PCDHGB3: variants seen among roughly 807,000 people sequenced by gnomAD.
The protein encoded by PCDHGB3 is protocadherin gamma subfamily B, 3, also known as protocadherin gamma-B3.
PCDHGB3 carries 40 observed loss-of-function variants against 59.2 expected under a neutral mutation model. That is an observed-to-expected ratio of 0.68 (90% CI 0.52 to 0.88). The LOEUF is 0.88. PCDHGB3 is among the 40% of genes least tolerant of loss of function. The pLI is 0.00. For missense variants in PCDHGB3, 1,309 were observed against 1,187.9 expected (o/e 1.10, Z -1.50); for synonymous variants, 581 against 503.6 (o/e 1.15, Z -2.06).
At position 141,408,301 on chromosome 5, in the gene PCDHGB3, C is replaced by T. The variant is rs1472435921; in HGVS notation, c.2415+35492C>T. 3.1e-6 allele frequency: 5 copies of T among 1,613,756 alleles called. No individual in the cohort carries two copies. In the Admixed American group the frequency reaches 8.3e-5, roughly 27 times the overall value. ...TCTACCCCACCCTGAGTGAGCCGAT[C>T]CGCTACTCGATTCCGGAGGAGCTGG... On this transcript the variant is annotated intron_variant, in intron 1 of 3. Transcript: ENST00000576222.
In PCDHGB3 at chr5:141,489,353, A is replaced by G. The variant is rs1423278514; in HGVS notation, c.2416-5454A>G. 3.7e-6 allele frequency: 6 copies of G among 1,612,316 alleles called. No homozygotes were observed. In the African/African-American group the frequency reaches 6.7e-5, roughly 18 times the overall value. ...CAGCTTCGTTACTCAGTGGTGGAGG[A>G]GTCTGAGCCGGGGACGCTGGTGGGG... On this transcript the variant is annotated intron_variant, in intron 1 of 3. Transcript: ENST00000576222. This position sits in a 1 kb window ranked among gnomAD's most constrained non-coding sequence, Gnocchi z 4.5.
In PCDHGB3 at chr5:141,477,718, A is replaced by G; in HGVS notation, c.2416-17089A>G. 6.2e-7 allele frequency: 1 copy of G among 1,613,928 alleles called. No homozygotes were observed. The highest frequency in any genetic ancestry group is 8.5e-7 in the Non-Finnish European group (1 of 1,180,034). On this transcript the variant is annotated intron_variant, in intron 1 of 3. Coordinates refer to ENST00000576222, the MANE Select transcript of PCDHGB3 (RefSeq NM_018924.5). The surrounding 1 kb of genome is among the most constrained non-coding windows in gnomAD (Gnocchi z 4.9). ...ACTATGAGGATCGGCGGGAATTTGA[A>G]TTAACAGCTCATATCAGCGATGGGG...
chr5:141,383,272 G>T (rs369691483), intron 1 of PCDHGB3: 13 of 1,613,802 alleles, frequency 8.1e-6, no homozygotes, highest in African/African-American at 1.3e-5. Flanking sequence ...GGAAATAATA[G>T]ATATTAATGA....
chr5:141,510,919 C>T (rs748157000), intron 3 of PCDHGB3, 28 bp from the exon 4 acceptor site: 1 of 1,613,894 alleles, frequency 6.2e-7, no homozygotes, highest in East Asian at 2.2e-5. Context: ...AAGTTTAGCT[C>T]CCACCTGATC....
intron 1 of PCDHGB3, among the ~76,000 whole-genome samples, chr5:141,464,833 G>A (rs1015373577): frequency 6.6e-6 from 1 of 151,990 alleles, no homozygotes; most frequent in African/African-American, 2.4e-5. Context: ...CGCACTCCTG[G>A]GCTCAAGCAA....
chr5:141,505,558 C>A (rs945428797), intron 3 of PCDHGB3, 77 bp downstream of exon 3: 1 of 1,605,016 alleles, frequency 6.2e-7, no homozygotes, highest in African/African-American at 1.3e-5. Context: ...ACCATGCCCA[C>A]GGACTGGATG....
At chr5:141,460,985 ATATATATATATGTG>A (rs2099005673) in intron 1 of PCDHGB3, among the ~76,000 whole-genome samples, 1 of 91,766 alleles carries the variant, frequency 1.1e-5, no homozygotes, top group Non-Finnish European at 2.2e-5. Flanking sequence ...GTGTGTGTGT[ATATATATATATGTG>A]TATATATATA....
Position 141,419,433 on chromosome 5 carries a change from T to C in PCDHGB3, c.2415+46624T>C, listed in dbSNP as rs1333004780. 11 of 1,613,246 alleles carry C rather than the reference T, an allele frequency of 6.8e-6. No individual in the cohort carries two copies. The highest frequency in any genetic ancestry group is 9.3e-6 in the Non-Finnish European group (11 of 1,179,828). On this transcript the variant is annotated intron_variant, in intron 1 of 3. Coordinates refer to ENST00000576222, the MANE Select transcript of PCDHGB3 (RefSeq NM_018924.5). ...CAGCGCGCCTTCGACCACGAGCAGC[T>C]GCGCACCTTCGAGCTCACGCTGCAG... is the stretch of plus-strand genomic sequence containing the variant.
intron 1 of PCDHGB3, 97 bp from the exon 2 acceptor site, chr5:141,494,710 C>G: frequency 6.2e-7 from 1 of 1,600,966 alleles, no homozygotes; most frequent in Admixed American, 1.7e-5. Context: ...TCTCTGTGCC[C>G]ACTCCCCTCC....
In PCDHGB3 at chr5:141,477,250, C is replaced by G; in HGVS notation, c.2416-17557C>G. 6.2e-7 allele frequency: 1 copy of G among 1,614,190 alleles called. No homozygotes were observed. The highest frequency in any genetic ancestry group is 8.5e-7 in the Non-Finnish European group (1 of 1,180,040). On this transcript the variant is annotated intron_variant, in intron 1 of 3. Coordinates refer to ENST00000576222, the MANE Select transcript of PCDHGB3 (RefSeq NM_018924.5). The surrounding 1 kb of genome is among the most constrained non-coding windows in gnomAD (Gnocchi z 4.9). ...TCATCGCTTTGCTCAGTGTGACTGA[C>G]CTGGATGCTGGCGAGAACGGGCTGG...
In PCDHGB3 at chr5:141,371,031, A is replaced by G. The variant is rs1561549182; in HGVS notation, c.637A>G (p.Thr213Ala). The G allele has an allele frequency of 1.2e-6, 2 of 1,613,872 alleles. No individual in the cohort carries two copies. The highest frequency in any genetic ancestry group is 2.2e-5 in the East Asian group (1 of 44,896). Residue 213 changes from threonine (T) to alanine (A), a missense_variant, in exon 1 of 4, where the codon ACA becomes GCA. Transcript: ENST00000576222. The part of the protein sequence containing the change: ...EEQPHHHLVL[T>A]AVDGGEPSRS... ...GCAGCCACATCACCACCTGGTCCTC[A>G]CAGCTGTGGATGGGGGCGAGCCCTC...
chr5:141,407,505 T>TTTTTTTTTTTTTTTTTTTTTTG (rs1460306566), intron 1 of PCDHGB3, among the ~76,000 whole-genome samples: 3 of 152,144 alleles, frequency 2.0e-5, no homozygotes, highest in African/African-American at 4.8e-5. Flanking sequence ...CTGTTTTTCT[T>TTTTTTTTTTTTTTTTTTTTTTG]AGGCTATGTA....
chr5:141,490,205 C>A lies in PCDHGB3; in HGVS notation c.2416-4602C>A. 1 of 1,614,168 alleles carries A rather than the reference C, an allele frequency of 6.2e-7. No individual in the cohort carries two copies. The highest frequency in any genetic ancestry group is 8.5e-7 in the Non-Finnish European group (1 of 1,180,004). ...CGTTTCTATGAAATTCATGCAAGAG[C>A]CCGTGACCAGGGACAGCCTGCCATG... On this transcript the variant is annotated intron_variant, in intron 1 of 3. Transcript: ENST00000576222. This position sits in a 1 kb window ranked among gnomAD's most constrained non-coding sequence, Gnocchi z 5.4.
intron 1 of PCDHGB3, chr5:141,423,165 C>G: frequency 6.2e-7 from 1 of 1,613,434 alleles, no homozygotes; most frequent in Non-Finnish European, 8.5e-7. Context: ...TCGTGGTGGC[C>G]GTCCAGGACC....
rs115237553 is a variant in PCDHGB3, at chr5:141,476,478, T to A, written c.2416-18329T>A. 1.3e-4 allele frequency: 203 copies of A among 1,613,844 alleles called. 2 individuals are homozygous for A. The African/African-American group carries it at 2.5e-3, about 20-fold the overall frequency. Reference sequence around the variant, plus strand: ...GAGAACCCGCTGGAGCTGTTCAGCGTGGAAGTGGTGATCCAGGACATCAAC... The same window carrying A: ...GAGAACCCGCTGGAGCTGTTCAGCGAGGAAGTGGTGATCCAGGACATCAAC... On this transcript the variant is annotated intron_variant, in intron 1 of 3. Transcript: ENST00000576222. The surrounding 1 kb of genome is among the most constrained non-coding windows in gnomAD (Gnocchi z 7.6).
At position 141,371,242 on chromosome 5, in the gene PCDHGB3, A is replaced by G. The variant is rs759523256; in HGVS notation, c.848A>G (p.Asn283Ser). 6 of 1,613,916 alleles carry G rather than the reference A, an allele frequency of 3.7e-6. No individual in the cohort carries two copies. The highest frequency in any genetic ancestry group is 2.2e-5 in the East Asian group (1 of 44,888). Residue 283 changes from asparagine (N) to serine (S), a missense_variant, in exon 1 of 4, where the codon AAT becomes AGT. By Grantham distance (46) the Asn-to-Ser change is conservative (BLOSUM62 1). Coordinates refer to ENST00000576222, the MANE Select transcript of PCDHGB3 (RefSeq NM_018924.5). Reference sequence around the variant, plus strand: ...GCCGAAATCATCTATGCCTTCATCAATATTGGCAAGGAAGTGAGACAACTG... The same window carrying G: ...GCCGAAATCATCTATGCCTTCATCAGTATTGGCAAGGAAGTGAGACAACTG... ...INAEIIYAFINIGKEVRQLFK... is the reference protein window; with the variant it reads ...INAEIIYAFISIGKEVRQLFK...
intron 1 of PCDHGB3, chr5:141,408,754 T>G: frequency 6.2e-7 from 1 of 1,610,602 alleles, no homozygotes; most frequent in Non-Finnish European, 8.5e-7. Flanking sequence ...TGGTTAGAGT[T>G]AATTCCGATG....
In PCDHGB3 at chr5:141,432,059, A is replaced by G. The variant is rs752124614; in HGVS notation, c.2415+59250A>G. The stretch of plus-strand genomic sequence containing the variant: ...TGACCGGGGAACCCCGCCCCTATCC[A>G]CGGAAACTCATATCTCGCTGAACGT... On this transcript the variant is annotated intron_variant, in intron 1 of 3. Coordinates refer to ENST00000576222, the MANE Select transcript of PCDHGB3 (RefSeq NM_018924.5). The surrounding 1 kb of genome is among the most constrained non-coding windows in gnomAD (Gnocchi z 6.0). 17 of 1,614,052 alleles carry G rather than the reference A, an allele frequency of 1.1e-5. No individual in the cohort carries two copies. The highest frequency in any genetic ancestry group is 1.3e-5 in the African/African-American group (1 of 74,918).
rs1452697214 is a variant in PCDHGB3, at chr5:141,476,552, G to A, written c.2416-18255G>A. ...CCAGGAAATGAAATTGGAGATTAGCGAGGCCGTGGCTCCGGGGACGCGCTT... is the reference window on the plus strand; with the variant it reads ...CCAGGAAATGAAATTGGAGATTAGCAAGGCCGTGGCTCCGGGGACGCGCTT... On this transcript the variant is annotated intron_variant, in intron 1 of 3. Transcript: ENST00000576222. The surrounding 1 kb of genome is among the most constrained non-coding windows in gnomAD (Gnocchi z 7.6). 1 of 1,614,210 alleles carries A rather than the reference G, an allele frequency of 6.2e-7. No homozygotes were observed. Among genetic ancestry groups the A allele is most frequent in the Non-Finnish European group, 8.5e-7 (1 of 1,180,032 alleles).
Sources: allele counts gnomAD v4.1 joint callset (sites outside exome capture counted in the v4.1 genomes callset), GRCh38; gene constraint gnomAD v4.1.1; non-coding constraint Gnocchi (gnomAD v3.1); transcripts MANE v1.5; gene names NCBI Gene and HGNC (gene_info 2026-07-23, HGNC 2026-07-21).